The following GPC5 variants were observed in gnomAD, a reference collection of about 807,000 sequenced individuals.
The protein encoded by GPC5 is glypican 5, also known as glypican-5.
GPC5 carries 47 observed loss-of-function variants against 53.9 expected under a neutral mutation model. The observed-to-expected ratio is 0.87, with a 90% CI of 0.69 to 1.11. GPC5 has a LOEUF of 1.11. Among genes scored for constraint, GPC5 ranks in the 50% most tolerant of loss-of-function variants. GPC5 has a pLI of 0.00. For synonymous variants in GPC5, 286 were observed against 263.3 expected, an observed-to-expected ratio of 1.09 and a Z score of -0.84; for missense variants, 748 against 713.1, an observed-to-expected ratio of 1.05 and a Z score of -0.56.
intron 6 of GPC5, among the ~76,000 whole-genome samples, chr13:91,986,130 A>C (rs931578554): frequency 3.9e-5 from 5 of 127,618 alleles, no homozygotes; most frequent in Non-Finnish European, 4.6e-5. Flanking sequence ...CAGTGGCGAG[A>C]TCTGGGCTTA....
chr13:91,552,598 C>T (rs1340290177), intron 2 of GPC5, among the ~76,000 whole-genome samples: 2 of 151,984 alleles, frequency 1.3e-5, no homozygotes, highest in Non-Finnish European at 2.9e-5. Flanking sequence ...AAGGGATGGG[C>T]CGAATTAAAG....
At chr13:91,616,654 T>C (rs1207727737) in intron 2 of GPC5, among the ~76,000 whole-genome samples, 1 of 152,110 alleles carries the variant, frequency 6.6e-6, no homozygotes, top group African/African-American at 2.4e-5. Context: ...TCAACAATTT[T>C]GTCAATCCCT....
intron 7 of GPC5, among the ~76,000 whole-genome samples, chr13:92,745,384 C>T (rs1263474744): frequency 6.6e-6 from 1 of 152,110 alleles, no homozygotes; most frequent in Non-Finnish European, 1.5e-5. Context: ...CACATCTAAA[C>T]AATTTTTTTG....
chr13:92,374,058 G>C (rs965878773), intron 7 of GPC5, among the ~76,000 whole-genome samples: 6 of 152,084 alleles, frequency 3.9e-5, no homozygotes, highest in Admixed American at 2.6e-4. Context: ...CAAAACCTGA[G>C]CTTTGAAATG....
chr13:91,696,575 C>G (rs2035883268), intron 3 of GPC5, among the ~76,000 whole-genome samples: 1 of 152,264 alleles, frequency 6.6e-6, no homozygotes, highest in Non-Finnish European at 1.5e-5. Context: ...CAAATAATGA[C>G]TTTCTCACAT....
chr13:92,429,053 CTTACATAAATT>C (rs1214723658), intron 7 of GPC5, among the ~76,000 whole-genome samples: 2 of 151,852 alleles, frequency 1.3e-5, no homozygotes, highest in African/African-American at 2.4e-5. Context: ...ACAAATAAAT[CTTACATAAATT>C]AAAAGTTAAG....
At chr13:92,382,292 G>A (rs563207163) in intron 7 of GPC5, among the ~76,000 whole-genome samples, 66 of 151,944 alleles carry the variant, frequency 4.3e-4, no homozygotes, top group Admixed American at 2.6e-3. Context: ...TGATGGGTGC[G>A]CCAAAATCTC....
intron 7 of GPC5, among the ~76,000 whole-genome samples, chr13:92,639,556 G>A (rs1885519801): frequency 6.6e-6 from 1 of 152,180 alleles, no homozygotes; most frequent in Non-Finnish European, 1.5e-5. Context: ...TGTTCATGGA[G>A]TCTTATTTAT....
At chr13:92,128,239 A>G (rs985346876) in intron 6 of GPC5, among the ~76,000 whole-genome samples, 2 of 152,176 alleles carry the variant, frequency 1.3e-5, no homozygotes, top group Non-Finnish European at 2.9e-5. Context: ...TGAGCCCTAC[A>G]GGCCAAAGTA....
intron 7 of GPC5, among the ~76,000 whole-genome samples, chr13:92,468,300 G>C (rs139852998): frequency 6.6e-6 from 1 of 152,044 alleles, no homozygotes; most frequent in African/African-American, 2.4e-5. Context: ...CAAGAGAAAC[G>C]CTTAAATAAA....
rs149854167 is a variant in GPC5, at chr13:92,237,918, G to A, written c.1561+92929G>A. 7.0e-4 allele frequency among the ~76,000 whole-genome samples: 106 copies of A among 151,938 alleles called. 1 individual carries two copies. The East Asian group carries it at 0.021, about 29-fold the overall frequency. ...ATTTCTATAAATGGAATCATAATAA[G>A]CATTCTTTATGACTTTTTAAATTTA... On this transcript the variant is annotated intron_variant, in intron 7 of 7. Coordinates refer to ENST00000377067, the MANE Select transcript of GPC5 (RefSeq NM_004466.6).
intron 7 of GPC5, among the ~76,000 whole-genome samples, chr13:92,176,465 A>G (rs2042109825): frequency 6.6e-6 from 1 of 152,204 alleles, no homozygotes; most frequent in Admixed American, 6.5e-5. Context: ...ACTAAGTTAG[A>G]TAAGGTTCAA....
chr13:92,287,001 C>T (rs548972334), intron 7 of GPC5, among the ~76,000 whole-genome samples: 1 of 152,080 alleles, frequency 6.6e-6, no homozygotes, highest in South Asian at 2.1e-4. Flanking sequence ...CAGAAGAAAC[C>T]AACCATGTTG....
chr13:92,150,613 T>C (rs2041900048), intron 7 of GPC5, among the ~76,000 whole-genome samples: 2 of 152,042 alleles, frequency 1.3e-5, no homozygotes, highest in Non-Finnish European at 2.9e-5. Context: ...TATTAATATA[T>C]TTAAATAGTA....
chr13:91,443,272 T>G (rs1880565232), intron 1 of GPC5, among the ~76,000 whole-genome samples: 2 of 152,124 alleles, frequency 1.3e-5, no homozygotes, highest in African/African-American at 4.8e-5. Context: ...GGTAGGACCT[T>G]AATCCAACGT....
chr13:92,713,524 C>T (rs916969462), intron 7 of GPC5, among the ~76,000 whole-genome samples: 12 of 149,430 alleles, frequency 8.0e-5, no homozygotes, highest in Admixed American at 4.0e-4. Context: ...AGGAGAATGG[C>T]GTGAACCCAG....
intron 7 of GPC5, among the ~76,000 whole-genome samples, chr13:92,197,824 G>A (rs1450497829): frequency 6.6e-6 from 1 of 151,774 alleles, no homozygotes; most frequent in East Asian, 1.9e-4. Flanking sequence ...CACCCCATAT[G>A]TCTTAAGATA....
chr13:91,798,599 C>T (rs890591865), intron 5 of GPC5, among the ~76,000 whole-genome samples: 16 of 152,096 alleles, frequency 1.1e-4, no homozygotes, highest in Admixed American at 3.3e-4. Flanking sequence ...CATTGATGGC[C>T]ATTTAGGTTG....
chr13:91,761,123 T>C (rs1364528384), intron 5 of GPC5, among the ~76,000 whole-genome samples: 1 of 152,170 alleles, frequency 6.6e-6, no homozygotes, highest in Non-Finnish European at 1.5e-5. Flanking sequence ...CGTTCTTTTC[T>C]TTCTGGGCAT....
Sources: allele counts gnomAD v4.1 joint callset (sites outside exome capture counted in the v4.1 genomes callset), GRCh38; gene constraint gnomAD v4.1.1; transcripts MANE v1.5; gene names NCBI Gene and HGNC (gene_info 2026-07-23, HGNC 2026-07-21).